The following DOCK3 variants were observed in gnomAD, a reference collection of about 807,000 sequenced individuals.
DOCK3 encodes dedicator of cytokinesis protein 3.
A neutral mutation model predicts 265.6 loss-of-function variants in DOCK3; 60 were observed. That is an observed-to-expected ratio of 0.23 (90% CI 0.18 to 0.28). The LOEUF (loss-of-function observed/expected upper bound fraction) is 0.28. Ranked by LOEUF, DOCK3 falls within the 10% of genes least tolerant of loss-of-function variation. DOCK3 has a pLI of 1.00. For missense variants in DOCK3, 1,981 were observed against 2,594.3 expected (o/e 0.76, Z 5.14); for synonymous variants, 881 against 938.0 (o/e 0.94, Z 1.11).
intron 10 of DOCK3, among the ~76,000 whole-genome samples, chr3:51,154,514 G>A (rs1269704897): frequency 1.3e-5 from 2 of 152,210 alleles, no homozygotes; most frequent in South Asian, 2.1e-4. Context: ...TGAACACTGA[G>A]GTGGTTTTGT....
At chr3:51,289,838 A>G (rs1183006286) in intron 27 of DOCK3, among the ~76,000 whole-genome samples, 1 of 152,230 alleles carries the variant, frequency 6.6e-6, no homozygotes, top group Non-Finnish European at 1.5e-5. Context: ...AAACAAATTT[A>G]CAAGAAAAAA....
At chr3:50,826,886 A>G (rs901142537) in intron 2 of DOCK3, among the ~76,000 whole-genome samples, 2 of 152,214 alleles carry the variant, frequency 1.3e-5, no homozygotes, top group Admixed American at 6.5e-5. Context: ...ATCAGCTTCA[A>G]GAGGTGCATT....
intron 12 of DOCK3, among the ~76,000 whole-genome samples, chr3:51,196,514 T>A (rs1047547275): frequency 6.6e-6 from 1 of 152,208 alleles, no homozygotes; most frequent in Non-Finnish European, 1.5e-5. Context: ...TCTTTGTCTC[T>A]TTGAACTTGT....
chr3:50,882,149 A>G (rs1204050934), intron 3 of DOCK3, among the ~76,000 whole-genome samples: 2 of 152,202 alleles, frequency 1.3e-5, no homozygotes, highest in Admixed American at 6.5e-5. Context: ...CTTAGACCTA[A>G]AACCATAAGA....
At chr3:51,338,567 C>A in intron 36 of DOCK3, 148 bp downstream of exon 36, 1 of 828,890 alleles carries the variant, frequency 1.2e-6, no homozygotes, top group Non-Finnish European at 1.9e-6. Flanking sequence ...TCTTAGAGGC[C>A]TGCACTCCCC....
At chr3:51,046,064 T>A (rs2080765646) in intron 5 of DOCK3, among the ~76,000 whole-genome samples, 1 of 152,040 alleles carries the variant, frequency 6.6e-6, no homozygotes, top group East Asian at 1.9e-4. Flanking sequence ...AAAAGCCTAA[T>A]GGTAACCACA....
intron 23 of DOCK3, among the ~76,000 whole-genome samples, chr3:51,264,915 C>G (rs72936442): frequency 0.072 from 10,998 of 151,792 alleles, 993 homozygotes; most frequent in East Asian, 0.32. Flanking sequence ...AATCTGGAAG[C>G]TGGTTTTTTG....
intron 9 of DOCK3, among the ~76,000 whole-genome samples, chr3:51,101,286 A>T (rs1374280615): frequency 6.6e-6 from 1 of 151,120 alleles, no homozygotes; most frequent in East Asian, 2.0e-4. Flanking sequence ...GCGCCCGGCT[A>T]ATTTTTTGTA....
intron 4 of DOCK3, among the ~76,000 whole-genome samples, chr3:50,913,574 C>A (rs1317782880): frequency 6.6e-6 from 1 of 152,052 alleles, no homozygotes; most frequent in South Asian, 2.1e-4. Context: ...TTATTTAGGA[C>A]CCCAGAGCAT....
chr3:51,225,634 T>C lies in DOCK3; in HGVS notation c.1253-15T>C, dbSNP rs1206685065. ...CTTCTGGAGTCATAAGGATGTGGCATTTCTTTCCCCGCAGGTGATATCCGC... is the reference window on the plus strand; with the variant it reads ...CTTCTGGAGTCATAAGGATGTGGCACTTCTTTCCCCGCAGGTGATATCCGC... On this transcript the variant is annotated splice_polypyrimidine_tract_variant and intron_variant, in intron 14 of 52. Coordinates refer to ENST00000266037, the MANE Select transcript of DOCK3 (RefSeq NM_004947.5). 6.2e-7 allele frequency: 1 copy of C among 1,606,038 alleles called. No individual in the cohort carries two copies. The highest frequency in any genetic ancestry group is 8.5e-7 in the Non-Finnish European group (1 of 1,176,358).
chr3:51,203,446 C>A (rs2088954502), intron 12 of DOCK3, among the ~76,000 whole-genome samples: 1 of 152,132 alleles, frequency 6.6e-6, no homozygotes, highest in South Asian at 2.1e-4. Flanking sequence ...ACCTAGGAAT[C>A]CACCTTACAA....
intron 24 of DOCK3, 128 bp downstream of exon 24, chr3:51,271,135 A>C (rs2080470988): frequency 1.8e-6 from 2 of 1,090,926 alleles, no homozygotes; most frequent in Non-Finnish European, 2.6e-6. Flanking sequence ...AGTAACCCTT[A>C]AGATACAGAA....
intron 39 of DOCK3, 137 bp from the exon 40 acceptor site, chr3:51,350,151 T>G: frequency 1.4e-6 from 1 of 712,128 alleles, no homozygotes; most frequent in South Asian, 2.0e-5. Context: ...TGGTCATGTC[T>G]AGAGGCTCAC....
At chr3:51,177,159 A>G (rs2087006770) in intron 12 of DOCK3, among the ~76,000 whole-genome samples, 1 of 152,224 alleles carries the variant, frequency 6.6e-6, no homozygotes, top group Non-Finnish European at 1.5e-5. Context: ...CAGCAAGTTG[A>G]TAACATTTCT....
At chr3:50,861,659 C>T (rs947559599) in intron 3 of DOCK3, among the ~76,000 whole-genome samples, 8 of 151,546 alleles carry the variant, frequency 5.3e-5, no homozygotes, top group Non-Finnish European at 1.2e-4. Context: ...TGAATTGAAC[C>T]GCTTTATCAT....
At chr3:50,845,538 G>A (rs1240192671) in intron 3 of DOCK3, among the ~76,000 whole-genome samples, 1 of 152,128 alleles carries the variant, frequency 6.6e-6, no homozygotes, top group Non-Finnish European at 1.5e-5. Context: ...CATAGTGCAG[G>A]AGAGAGTGAT....
intron 1 of DOCK3, among the ~76,000 whole-genome samples, chr3:50,762,794 T>C (rs1487709960): frequency 6.6e-6 from 1 of 152,200 alleles, no homozygotes; most frequent in Non-Finnish European, 1.5e-5. Flanking sequence ...CGCTTCATCA[T>C]GTGTAATCAT....
At chr3:50,743,385 G>A (rs1322704229) in intron 1 of DOCK3, among the ~76,000 whole-genome samples, 4 of 151,548 alleles carry the variant, frequency 2.6e-5, no homozygotes, top group Non-Finnish European at 4.4e-5. Flanking sequence ...TCCAATTAAA[G>A]GACACAGACT....
intron 3 of DOCK3, among the ~76,000 whole-genome samples, chr3:50,888,894 T>G (rs951131424): frequency 6.6e-6 from 1 of 152,046 alleles, no homozygotes; most frequent in Non-Finnish European, 1.5e-5. Context: ...CTTAAATCCT[T>G]TTTTTAAGTC....
Sources: gnomAD v4.1 joint callset for allele counts (sites outside exome capture counted in the v4.1 genomes callset) on GRCh38, gnomAD v4.1.1 for gene constraint, MANE v1.5 for transcripts, NCBI Gene and HGNC (gene_info 2026-07-23, HGNC 2026-07-21) for gene names.